COP1: variants seen among roughly 807,000 people sequenced by gnomAD.
COP1 encodes COP1 E3 ubiquitin ligase.
In COP1, 24 loss-of-function variants were observed where a neutral mutation model predicts 101.3. The observed-to-expected ratio is 0.24, with a 90% CI of 0.17 to 0.33. COP1 has a LOEUF of 0.33. Ranked by LOEUF, COP1 falls within the 10% of genes least tolerant of loss-of-function variation. The pLI is 1.00. For missense variants in COP1, 663 were observed against 906.2 expected (o/e 0.73, Z 3.45); for synonymous variants, 347 against 341.9 (o/e 1.01, Z -0.17).
Position 175,995,059 on chromosome 1 carries a change from C to T in COP1, c.1730-5580G>A, listed in dbSNP as rs180873690. 1.3e-3 allele frequency among the ~76,000 whole-genome samples: 194 copies of T among 152,156 alleles called. 2 individuals carry two copies. The highest frequency in any genetic ancestry group is 0.01 in the Admixed American group (160 of 15,264). ...TAACAAACTGTCTCTCAGACCACAGCGCAATCAAACTAGAACTCAGGATTA... is the reference window on the plus strand; with the variant it reads ...TAACAAACTGTCTCTCAGACCACAGTGCAATCAAACTAGAACTCAGGATTA... On this transcript the variant is annotated intron_variant, in intron 15 of 19. Transcript: ENST00000367669.
intron 3 of COP1, among the ~76,000 whole-genome samples, chr1:176,169,885 A>T (rs1194808253): frequency 6.6e-6 from 1 of 152,270 alleles, no homozygotes; most frequent in Admixed American, 6.5e-5. Context: ...TTTCAAAGTT[A>T]GTCAACCTCT....
At chr1:176,019,261 G>A (rs546710501) in intron 15 of COP1, among the ~76,000 whole-genome samples, 134 of 151,582 alleles carry the variant, frequency 8.8e-4, no homozygotes, top group Non-Finnish European at 1.3e-3. Context: ...TCAGGAGTTC[G>A]CGATAAGCCT....
intron 15 of COP1, among the ~76,000 whole-genome samples, chr1:176,017,942 G>A (rs1665966824): frequency 1.3e-5 from 2 of 152,216 alleles, no homozygotes; most frequent in Non-Finnish European, 2.9e-5. Context: ...ACAAAAGAGA[G>A]AGCAAGCTAA....
chr1:176,071,217 C>T (rs909612738), intron 11 of COP1, among the ~76,000 whole-genome samples: 3 of 151,686 alleles, frequency 2.0e-5, no homozygotes, highest in African/African-American at 7.3e-5. Context: ...TGTGTGGTAC[C>T]TCCCCCCTCA....
chr1:176,025,459 C>CAA (rs543516890), intron 15 of COP1, among the ~76,000 whole-genome samples: 59 of 78,964 alleles, frequency 7.5e-4, no homozygotes, highest in Non-Finnish European at 7.9e-4. Context: ...CTACATTTAG[C>CAA]AAAAAAAAAA....
intron 15 of COP1, among the ~76,000 whole-genome samples, chr1:176,026,807 A>G (rs568700845): frequency 6.6e-6 from 1 of 152,148 alleles, no homozygotes; most frequent in African/African-American, 2.4e-5. Flanking sequence ...AAAAAATAAG[A>G]CTTCACCATT....
At chr1:176,107,456 T>C (rs1409483912) in intron 9 of COP1, among the ~76,000 whole-genome samples, 1 of 152,086 alleles carries the variant, frequency 6.6e-6, no homozygotes, top group Non-Finnish European at 1.5e-5. Context: ...GTCAAAAGGA[T>C]ACAGAAGTCA....
At chr1:176,142,743 CAAGT>C (rs771803664) in intron 6 of COP1, among the ~76,000 whole-genome samples, 10 of 151,270 alleles carry the variant, frequency 6.6e-5, no homozygotes, top group Non-Finnish European at 1.0e-4. Context: ...TCTCAATGTT[CAAGT>C]AATAAGACAT....
intron 5 of COP1, among the ~76,000 whole-genome samples, chr1:176,159,592 T>C (rs1040354085): frequency 1.3e-5 from 2 of 152,174 alleles, no homozygotes; most frequent in African/African-American, 4.8e-5. Flanking sequence ...ATAATAGATA[T>C]ATTTCTGAAA....
chr1:176,062,310 C>T (rs2149303191), intron 11 of COP1, among the ~76,000 whole-genome samples: 1 of 152,098 alleles, frequency 6.6e-6, no homozygotes, highest in African/African-American at 2.4e-5. Flanking sequence ...CCAAGAAAGA[C>T]CTGAATTTTT....
intron 8 of COP1, among the ~76,000 whole-genome samples, chr1:176,118,899 A>G (rs1262541489): frequency 6.6e-6 from 1 of 152,274 alleles, no homozygotes; most frequent in Non-Finnish European, 1.5e-5. Flanking sequence ...AAGTACCCTC[A>G]TAAACATGTA....
chr1:176,160,222 TTATCTGC>T (rs752985120), intron 5 of COP1: 1 of 387,150 alleles, frequency 2.6e-6, no homozygotes, highest in South Asian at 1.9e-5. Context: ...CACTATGTAA[TTATCTGC>T]TTTTGGTATG....
intron 2 of COP1, among the ~76,000 whole-genome samples, chr1:176,180,180 C>G (rs1008917727): frequency 3.3e-5 from 5 of 152,210 alleles, no homozygotes; most frequent in Non-Finnish European, 7.3e-5. Flanking sequence ...GTTTTACCCT[C>G]TGTACCCTTA....
chr1:176,150,108 T>G (rs1692182356), intron 5 of COP1, among the ~76,000 whole-genome samples: 1 of 152,304 alleles, frequency 6.6e-6, no homozygotes, highest in African/African-American at 2.4e-5. Context: ...AGTGCCCAGA[T>G]GATAAGAATA....
chr1:176,200,069 A>G lies in COP1; in HGVS notation c.407+6503T>C, dbSNP rs150582626. ...GAATATAAATACTGGTACCACCATT[A>G]TTAACCGTGTAACTGAGACAAGTTA... On this transcript the variant is annotated intron_variant, in intron 1 of 19. Coordinates refer to ENST00000367669, the MANE Select transcript of COP1 (RefSeq NM_022457.7). Among the ~76,000 whole-genome samples, 398 of 152,350 alleles carry G rather than the reference A, an allele frequency of 2.6e-3. 3 individuals are homozygous for G. Among genetic ancestry groups the G allele is most frequent in the African/African-American group, 9.2e-3 (381 of 41,570 alleles).
At chr1:176,008,549 T>C (rs1189766447) in intron 15 of COP1, among the ~76,000 whole-genome samples, 3 of 152,242 alleles carry the variant, frequency 2.0e-5, no homozygotes, top group Admixed American at 6.5e-5. Flanking sequence ...ATTACCTTTT[T>C]TGAATATATT....
intron 15 of COP1, among the ~76,000 whole-genome samples, chr1:176,006,994 T>C (rs902588478): frequency 2.6e-5 from 4 of 152,240 alleles, no homozygotes; most frequent in South Asian, 2.1e-4. Context: ...ACCAATCAGA[T>C]GTAGATTTGG....
intron 14 of COP1, among the ~76,000 whole-genome samples, chr1:176,034,443 GA>G (rs1384577295): frequency 6.6e-6 from 1 of 152,146 alleles, no homozygotes; most frequent in African/African-American, 2.4e-5. Flanking sequence ...TAACGAATAT[GA>G]AAAAGGCGAA....
At chr1:176,080,642 G>A (rs779113932) in intron 11 of COP1, among the ~76,000 whole-genome samples, 2 of 152,092 alleles carry the variant, frequency 1.3e-5, no homozygotes, top group South Asian at 4.1e-4. Context: ...ATAATTGTAC[G>A]CCAATAAGTT....
Sources: gnomAD v4.1 joint callset for allele counts (sites outside exome capture counted in the v4.1 genomes callset) on GRCh38, gnomAD v4.1.1 for gene constraint, MANE v1.5 for transcripts, NCBI Gene and HGNC (gene_info 2026-07-23, HGNC 2026-07-21) for gene names.